The following CNBD1 variants were observed in gnomAD, a reference collection of about 807,000 sequenced individuals.
The protein encoded by CNBD1 is cyclic nucleotide-binding domain-containing protein 1.
In CNBD1, 71 loss-of-function variants were observed where a neutral mutation model predicts 54.4. The ratio of observed to expected loss-of-function variants is 1.30; its 90% CI spans 1.08 to 1.59. The LOEUF (loss-of-function observed/expected upper bound fraction) is 1.59, where lower values mean the gene tolerates loss of function less well. Among genes scored for constraint, CNBD1 ranks in the 40% most tolerant of loss-of-function variants. The pLI is 0.00. For missense variants in CNBD1, 659 were observed against 518.0 expected, an observed-to-expected ratio of 1.27 and a Z score of -2.64; for synonymous variants, 182 against 170.7, an observed-to-expected ratio of 1.07 and a Z score of -0.51.
chr8:87,379,440 A>G (rs1463350470), intron 10 of CNBD1, among the ~76,000 whole-genome samples: 4 of 151,852 alleles, frequency 2.6e-5, no homozygotes, highest in Non-Finnish European at 5.9e-5. Flanking sequence ...TTTTTTCAGC[A>G]CCACACCACA....
chr8:86,935,044 T>TATTTATTG (rs1809522158), intron 3 of CNBD1, among the ~76,000 whole-genome samples: 4 of 147,540 alleles, frequency 2.7e-5, no homozygotes, highest in African/African-American at 9.9e-5. Flanking sequence ...TTTATTTATT[T>TATTTATTG]ATTTATTTTG....
rs539705025 is a variant in CNBD1 at position 87,228,462 on chromosome 8, C to G, written c.578-8457C>G. ...GTTTGTTAGTTTTCCTTCTAACACA[C>G]AGGACCCTCAGCTGCAGGTCTGTTG... On this transcript the variant is annotated intron_variant, in intron 5 of 10. Coordinates refer to ENST00000518476, the MANE Select transcript of CNBD1 (RefSeq NM_173538.3). 6.7e-3 allele frequency among the ~76,000 whole-genome samples: 982 copies of G among 147,572 alleles called. 7 individuals are homozygous for G. Among genetic ancestry groups the G allele is most frequent in the Non-Finnish European group, 6.8e-3 (463 of 67,928 alleles).
chr8:87,235,852 G>A (rs1215786278), intron 5 of CNBD1, among the ~76,000 whole-genome samples: 1 of 152,104 alleles, frequency 6.6e-6, no homozygotes. Context: ...GCAAAGCACA[G>A]TAAAACAAGA....
chr8:87,417,029 C>A (rs1001699869), intron 2 of CNBD1, among the ~76,000 whole-genome samples: 2 of 151,902 alleles, frequency 1.3e-5, no homozygotes, highest in Admixed American at 6.6e-5. Context: ...TTGTAATACA[C>A]TATGTTGATG....
intron 4 of CNBD1, among the ~76,000 whole-genome samples, chr8:87,086,206 A>G (rs1811092812): frequency 1.3e-5 from 2 of 152,172 alleles, no homozygotes; most frequent in African/African-American, 2.4e-5. Context: ...TAGAAATTCA[A>G]TAATACTTTT....
chr8:87,340,826 G>T (rs1810049768), intron 8 of CNBD1, among the ~76,000 whole-genome samples: 1 of 151,448 alleles, frequency 6.6e-6, no homozygotes, highest in Non-Finnish European at 1.5e-5. Flanking sequence ...GTTTTTCTTA[G>T]CTTGCTTATG....
At chr8:87,008,863 A>G (rs533677061) in intron 4 of CNBD1, among the ~76,000 whole-genome samples, 1 of 152,342 alleles carries the variant, frequency 6.6e-6, no homozygotes, top group Non-Finnish European at 1.5e-5. Context: ...CTTGGGTACA[A>G]AAAAGGAGTT....
At chr8:87,078,232 G>A (rs1283489573) in intron 4 of CNBD1, among the ~76,000 whole-genome samples, 1 of 152,196 alleles carries the variant, frequency 6.6e-6, no homozygotes, top group African/African-American at 2.4e-5. Flanking sequence ...GACTAGGTGG[G>A]CTGTCCACTA....
rs111399932 is a variant in CNBD1, at chr8:87,257,782, C to T, written c.771+20670C>T. On this transcript the variant is annotated intron_variant, in intron 6 of 10. Coordinates refer to ENST00000518476, the MANE Select transcript of CNBD1 (RefSeq NM_173538.3). ...AGACTGTGGAGTTCAAATTGTACAC[C>T]TAAACAATTTCAGTATCAGCTGGTT... Among the ~76,000 whole-genome samples the T allele has an allele frequency of 4.0e-3, 605 of 152,152 alleles. 3 individuals carry two copies. The highest frequency in any genetic ancestry group is 0.014 in the African/African-American group (571 of 41,520).
chr8:87,352,800 A>G (rs1251670085), intron 9 of CNBD1, among the ~76,000 whole-genome samples: 1 of 152,206 alleles, frequency 6.6e-6, no homozygotes, highest in Non-Finnish European at 1.5e-5. Flanking sequence ...AATTCAATTA[A>G]ATATCTAAAC....
At chr8:87,321,018 A>C (rs138994984) in intron 8 of CNBD1, among the ~76,000 whole-genome samples, 1 of 152,286 alleles carries the variant, frequency 6.6e-6, no homozygotes, top group African/African-American at 2.4e-5. Flanking sequence ...AACTGCATCC[A>C]TGTTGCAGAA....
chr8:86,896,987 C>T (rs1252537141), intron 2 of CNBD1, among the ~76,000 whole-genome samples: 1 of 152,048 alleles, frequency 6.6e-6, no homozygotes, highest in African/African-American at 2.4e-5. Flanking sequence ...CATAAAATAT[C>T]AACTACTATA....
rs1809169184 is a variant in CNBD1, at chr8:86,915,469, G to A, written c.272+10275G>A. Among the ~76,000 whole-genome samples, 3 of 152,108 alleles carry A rather than the reference G, an allele frequency of 2.0e-5. No homozygotes were observed. In the South Asian group the frequency reaches 6.2e-4, roughly 31 times the overall value. On this transcript the variant is annotated intron_variant, in intron 3 of 10. Transcript: ENST00000518476. ...TCCCATTAGCTTTACAAATGCAGTT[G>A]AGTTTTGGGGAAGGGCTATTATCAT...
At chr8:87,121,193 G>T (rs1406705408) in intron 4 of CNBD1, among the ~76,000 whole-genome samples, 1 of 151,620 alleles carries the variant, frequency 6.6e-6, no homozygotes, top group Non-Finnish European at 1.5e-5. Context: ...AACTTGAAAG[G>T]CTAAATATTA....
chr8:87,355,957 G>T (rs1810411404), intron 10 of CNBD1, among the ~76,000 whole-genome samples: 1 of 152,000 alleles, frequency 6.6e-6, no homozygotes, highest in Admixed American at 6.6e-5. Flanking sequence ...GTTCATGAAA[G>T]AGCTGGCTCT....
chr8:86,958,289 GAA>G (rs1484142776), intron 4 of CNBD1, among the ~76,000 whole-genome samples: 4 of 152,188 alleles, frequency 2.6e-5, no homozygotes, highest in African/African-American at 4.8e-5. Flanking sequence ...GTGCTGCTGA[GAA>G]AAGAGTGTAT....
intron 4 of CNBD1, among the ~76,000 whole-genome samples, chr8:86,993,909 C>T (rs1808810771): frequency 6.6e-6 from 1 of 152,164 alleles, no homozygotes; most frequent in Non-Finnish European, 1.5e-5. Context: ...CTTGAGGGAT[C>T]CCTCTCTGAT....
intron 2 of CNBD1, among the ~76,000 whole-genome samples, chr8:87,388,122 A>G (rs1372543098): frequency 6.6e-6 from 1 of 152,228 alleles, no homozygotes; most frequent in South Asian, 2.1e-4. Context: ...AGGGAAATTT[A>G]TAGCACTAAA....
At chr8:87,205,910 T>C in intron 4 of CNBD1, 83 bp from the exon 5 acceptor site, 2 of 1,140,796 alleles carry the variant, frequency 1.8e-6, no homozygotes, top group Non-Finnish European at 2.3e-6. Flanking sequence ...AATACAAATT[T>C]GGAAACTTAA....
Sources: allele counts gnomAD v4.1 joint callset (sites outside exome capture counted in the v4.1 genomes callset), GRCh38; gene constraint gnomAD v4.1.1; transcripts MANE v1.5; gene names NCBI Gene and HGNC (gene_info 2026-07-23, HGNC 2026-07-21).